Variants in PAM observed in about 807,000 individuals in gnomAD.
PAM encodes peptidyl-glycine alpha-amidating monooxygenase.
A neutral mutation model predicts 122.1 loss-of-function variants in PAM; 72 were observed. The ratio of observed to expected loss-of-function variants is 0.59; its 90% CI spans 0.49 to 0.72. The LOEUF is 0.72. Ranked by LOEUF, PAM falls within the 30% of genes least tolerant of loss-of-function variation. PAM has a pLI of 0.00. For missense variants in PAM, 1,106 were observed against 1,183.7 expected (o/e 0.93, Z 0.96); for synonymous variants, 389 against 404.4 (o/e 0.96, Z 0.46).
At chr5:102,924,141 C>G (rs1748450930) in intron 5 of PAM, among the ~76,000 whole-genome samples, 1 of 152,032 alleles carries the variant, frequency 6.6e-6, no homozygotes, top group Non-Finnish European at 1.5e-5. Flanking sequence ...ATCAAGAACT[C>G]TTAAGAGAGG....
At chr5:102,879,439 A>G (rs757732387) in intron 3 of PAM, among the ~76,000 whole-genome samples, 16 of 152,136 alleles carry the variant, frequency 1.1e-4, no homozygotes, top group African/African-American at 2.2e-4. Flanking sequence ...GTAATCCCCA[A>G]TGTTGGAGGA....
chr5:102,797,262 C>T (rs554216109), intron 1 of PAM, among the ~76,000 whole-genome samples: 5 of 152,218 alleles, frequency 3.3e-5, no homozygotes, highest in African/African-American at 9.6e-5. Context: ...CTGTAACTTT[C>T]ATTTCTCTCA....
At chr5:102,764,858 A>G (rs927255537) in intron 1 of PAM, among the ~76,000 whole-genome samples, 1 of 152,178 alleles carries the variant, frequency 6.6e-6, no homozygotes, top group Non-Finnish European at 1.5e-5. Flanking sequence ...AAAGTCCCCA[A>G]TCTTACTTCA....
rs749290965 is a variant in PAM at position 102,901,342 on chromosome 5, CT to C, written c.211-6del. The C allele has an allele frequency of 9.4e-5, 142 of 1,506,810 alleles. No homozygotes were observed. Among genetic ancestry groups the C allele is most frequent in the Non-Finnish European group, 1.1e-4 (122 of 1,087,038 alleles). The allele number at this position is 1,506,810 out of a possible 1,614,324, so 93.3% of individuals were successfully genotyped here. A position where few individuals can be genotyped will look rare whatever the true frequency, so the allele number is the denominator to read the frequency against. On this transcript the variant is annotated splice_polypyrimidine_tract_variant and intron_variant, in intron 3 of 25. Coordinates refer to ENST00000438793, the MANE Select transcript of PAM (RefSeq NM_001177306.2). The stretch of plus-strand genomic sequence containing the variant: ...AACAGTTTAATTTGGATTTTTTAAT[CT>C]TTTTTTTAATAGTCCGATACATACT...
intron 1 of PAM, among the ~76,000 whole-genome samples, chr5:102,860,068 G>C (rs1783739692): frequency 6.6e-6 from 1 of 152,182 alleles, no homozygotes; most frequent in Admixed American, 6.5e-5. Flanking sequence ...TATGTATGCT[G>C]TTCTATAATT....
At chr5:102,961,288 C>T (rs936048397) in intron 14 of PAM, 59 bp downstream of exon 14, 3 of 893,604 alleles carry the variant, frequency 3.4e-6, no homozygotes, top group African/African-American at 3.3e-5. Flanking sequence ...AAGTAGGCAA[C>T]CAAATTGTAA....
At chr5:103,030,521 G>T (rs1055809882), downstream of PAM, 5 of 152,102 alleles carry the variant, frequency 3.3e-5, no homozygotes, top group African/African-American at 7.2e-5. Flanking sequence ...ATTTGGAAAC[G>T]GTAAGTCTGC....
At chr5:102,905,597 G>C (rs1032395375) in intron 4 of PAM, among the ~76,000 whole-genome samples, 5 of 151,652 alleles carry the variant, frequency 3.3e-5, no homozygotes, top group Non-Finnish European at 4.4e-5. Flanking sequence ...TGGGTCACTA[G>C]ATAGTACGAC....
At chr5:102,888,487 A>G (rs1793820202) in intron 3 of PAM, among the ~76,000 whole-genome samples, 1 of 151,952 alleles carries the variant, frequency 6.6e-6, no homozygotes, top group Non-Finnish European at 1.5e-5. Context: ...CTCAAATCAA[A>G]TCTAAATTCT....
chr5:102,997,730 G>A (rs75646553), intron 16 of PAM, among the ~76,000 whole-genome samples: 239 of 152,288 alleles, frequency 1.6e-3, no homozygotes, highest in African/African-American at 5.1e-3. Context: ...AAACTTGAAA[G>A]TTCTATATTA....
chr5:102,849,691 T>C (rs1780898939), intron 1 of PAM, among the ~76,000 whole-genome samples: 1 of 152,196 alleles, frequency 6.6e-6, no homozygotes, highest in East Asian at 1.9e-4. Context: ...AAAATTGTGA[T>C]ATGAATCTAT....
chr5:102,936,835 A>G (rs537613023), intron 7 of PAM, among the ~76,000 whole-genome samples: 1 of 152,188 alleles, frequency 6.6e-6, no homozygotes, highest in South Asian at 2.1e-4. Context: ...ATTGATTTTT[A>G]TGCAAACTAA....
chr5:102,774,284 G>T (rs1331959969), intron 1 of PAM, among the ~76,000 whole-genome samples: 2 of 152,020 alleles, frequency 1.3e-5, no homozygotes, highest in Non-Finnish European at 2.9e-5. Flanking sequence ...TTGAGGAATT[G>T]CCATACTGCT....
At position 103,019,830 on chromosome 5, in the gene PAM, C is replaced by T. The variant is rs1441647655; in HGVS notation, c.2472C>T (p.Val824=). ...HRSVKKAGIE[V]QEIKEAEAVV... ...CAGTTAAAAAGGCTGGCATTGAGGT[C>T]CAGGAAATCAAAGGTTGGTCAGATT... Residue 824 remains valine, a synonymous_variant, in exon 23 of 26, where the codon GTC becomes GTT. Transcript: ENST00000438793. 5.6e-6 allele frequency: 9 copies of T among 1,604,708 alleles called. No individual in the cohort carries two copies. The African/African-American group carries it at 1.1e-4, about 19-fold the overall frequency.
chr5:102,937,597 CAG>C (rs1753693585), intron 7 of PAM, among the ~76,000 whole-genome samples: 1 of 152,038 alleles, frequency 6.6e-6, no homozygotes, highest in Non-Finnish European at 1.5e-5. Flanking sequence ...TTTTTAAAAT[CAG>C]AGACAGAGAA....
At chr5:102,914,121 G>GCA in intron 5 of PAM, 100 bp downstream of exon 5, 1 of 696,180 alleles carries the variant, frequency 1.4e-6, no homozygotes. Context: ...TAATAAATAG[G>GCA]CAGAACATTT....
At chr5:102,880,462 GA>G (rs145362920) in intron 3 of PAM, among the ~76,000 whole-genome samples, 3,356 of 152,108 alleles carry the variant, frequency 0.022, 108 homozygotes, top group African/African-American at 0.075. Context: ...ATAATAATTA[GA>G]ATTTTTAAAC....
At chr5:102,758,427 T>C (rs544328918) in intron 1 of PAM, among the ~76,000 whole-genome samples, 138 of 152,358 alleles carry the variant, frequency 9.1e-4, no homozygotes, top group Non-Finnish European at 1.6e-3. Context: ...TCCTTCTTAC[T>C]GCCCTGGAAG....
At chr5:103,020,363 A>G (rs187558499) in intron 23 of PAM, among the ~76,000 whole-genome samples, 92 of 152,250 alleles carry the variant, frequency 6.0e-4, no homozygotes, top group African/African-American at 2.0e-3. Context: ...GCACTATAGC[A>G]GGTCTAAGGG....
Sources: allele counts gnomAD v4.1 joint callset (sites outside exome capture counted in the v4.1 genomes callset), GRCh38; gene constraint gnomAD v4.1.1; transcripts MANE v1.5; gene names NCBI Gene and HGNC (gene_info 2026-07-23, HGNC 2026-07-21).